Variants in FNDC3A observed in about 807,000 individuals in gnomAD.
FNDC3A encodes fibronectin type III domain containing 3A, also known as fibronectin type-III domain-containing protein 3A.
FNDC3A carries 32 observed loss-of-function variants against 148.9 expected under a neutral mutation model. That is an observed-to-expected ratio of 0.21 (90% CI 0.16 to 0.29). The LOEUF is 0.29. FNDC3A is among the 10% of genes least tolerant of loss of function. FNDC3A has a pLI of 1.00. For synonymous variants in FNDC3A, 472 were observed against 473.6 expected (o/e 1.00, Z 0.04); for missense variants, 1,191 against 1,452.8 (o/e 0.82, Z 2.93).
intron 2 of FNDC3A, among the ~76,000 whole-genome samples, chr13:49,027,065 A>G (rs1873768304): frequency 6.6e-6 from 1 of 152,196 alleles, no homozygotes; most frequent in Non-Finnish European, 1.5e-5. Flanking sequence ...TGGAAATTCA[A>G]AACTGAAAGA....
intron 3 of FNDC3A, among the ~76,000 whole-genome samples, chr13:49,085,722 A>G (rs1287415083): frequency 6.6e-6 from 1 of 152,200 alleles, no homozygotes; most frequent in African/African-American, 2.4e-5. Flanking sequence ...ATGGTGTGTT[A>G]TTAAAGGCAC....
intron 11 of FNDC3A, 46 bp from the exon 12 acceptor site, chr13:49,174,389 T>C: frequency 6.6e-7 from 1 of 1,510,512 alleles, no homozygotes; most frequent in Non-Finnish European, 9.1e-7. Flanking sequence ...AATTTATCTT[T>C]TTACAGTAAT....
intron 13 of FNDC3A, among the ~76,000 whole-genome samples, chr13:49,177,113 T>G (rs942958362): frequency 1.3e-5 from 2 of 152,232 alleles, no homozygotes; most frequent in Admixed American, 1.3e-4. Flanking sequence ...ACTCTGTCTT[T>G]TCTTTTGATG....
chr13:48,994,774 C>T (rs1251962155), intron 1 of FNDC3A, among the ~76,000 whole-genome samples: 2 of 147,570 alleles, frequency 1.4e-5, no homozygotes, highest in Non-Finnish European at 3.0e-5. Flanking sequence ...AAGACTCCAT[C>T]TCAAAAAAAA....
At chr13:49,068,016 C>T (rs910171054) in intron 2 of FNDC3A, among the ~76,000 whole-genome samples, 4 of 151,984 alleles carry the variant, frequency 2.6e-5, no homozygotes, top group African/African-American at 9.7e-5. Flanking sequence ...AAAGGAACAT[C>T]CTTCAGTCTA....
chr13:49,159,590 C>T (rs1883957402), intron 8 of FNDC3A, among the ~76,000 whole-genome samples: 1 of 152,290 alleles, frequency 6.6e-6, no homozygotes, highest in Middle Eastern at 3.4e-3. Context: ...TTCCTGTTTT[C>T]CTAACTGAAT....
chr13:49,124,015 A>G (rs924109668), intron 4 of FNDC3A, among the ~76,000 whole-genome samples: 1 of 152,210 alleles, frequency 6.6e-6, no homozygotes, highest in African/African-American at 2.4e-5. Context: ...AAAGGATTAT[A>G]AATCATTGTA....
chr13:49,063,817 T>C (rs1160290790), intron 2 of FNDC3A, among the ~76,000 whole-genome samples: 1 of 152,162 alleles, frequency 6.6e-6, no homozygotes, highest in Non-Finnish European at 1.5e-5. Context: ...CTCAGTAATA[T>C]AAAATGAAAC....
At chr13:49,116,492 G>A (rs1185041130) in intron 4 of FNDC3A, among the ~76,000 whole-genome samples, 2 of 152,190 alleles carry the variant, frequency 1.3e-5, no homozygotes, top group Non-Finnish European at 2.9e-5. Flanking sequence ...CAAATAAAAA[G>A]TGGATAAACT....
chr13:49,187,010 G>T, intron 15 of FNDC3A, 112 bp from the exon 16 acceptor site: 1 of 644,026 alleles, frequency 1.6e-6, no homozygotes, highest in Non-Finnish European at 2.7e-6. Flanking sequence ...TTAAGTCATT[G>T]CAGGTGATTT....
intron 3 of FNDC3A, among the ~76,000 whole-genome samples, chr13:49,102,734 A>G (rs1308790890): frequency 6.6e-6 from 1 of 152,206 alleles, no homozygotes; most frequent in Non-Finnish European, 1.5e-5. Context: ...CAGAGGATGC[A>G]TTGAGGAGAT....
Position 49,136,524 on chromosome 13 carries a change from G to A in FNDC3A, c.683G>A (p.Gly228Asp), listed in dbSNP as rs1882372103. Residue 228 changes from glycine (G) to aspartate (D), a missense_variant, in exon 6 of 26, where the codon GGT (glycine) becomes GAT (aspartate). Transcript: ENST00000492622. ...GGACTTATAAAAGGACAAATTGCTG[G>A]TGGTATAAACACAGGATCAGCAAAA... ...HNGLIKGQIA[G>D]GINTGSAKIK... is the part of the protein sequence containing the mutation. 2 of 1,613,946 alleles carry A rather than the reference G, an allele frequency of 1.2e-6. No homozygotes were observed. The highest frequency in any genetic ancestry group is 1.3e-5 in the African/African-American group (1 of 74,896).
At chr13:48,995,115 A>G (rs1457295058) in intron 1 of FNDC3A, among the ~76,000 whole-genome samples, 3 of 152,172 alleles carry the variant, frequency 2.0e-5, no homozygotes, top group East Asian at 1.9e-4. Flanking sequence ...TAAGGTCTCT[A>G]TGTTGCCCAG....
At chr13:49,182,670 T>C (rs1885367970) in intron 14 of FNDC3A, among the ~76,000 whole-genome samples, 1 of 152,188 alleles carries the variant, frequency 6.6e-6, no homozygotes, top group African/African-American at 2.4e-5. Flanking sequence ...GGTCTTTTTA[T>C]AGGTAAAGAG....
intron 1 of FNDC3A, among the ~76,000 whole-genome samples, chr13:48,977,754 C>T (rs1951628804): frequency 6.6e-6 from 1 of 152,126 alleles, no homozygotes. Context: ...GGGATGATGA[C>T]AGGAGAAACA....
intron 2 of FNDC3A, among the ~76,000 whole-genome samples, chr13:49,018,361 A>G (rs1394479123): frequency 6.6e-6 from 1 of 151,930 alleles, no homozygotes; most frequent in African/African-American, 2.4e-5. Context: ...TTCATCTTCC[A>G]TCGCTGATAC....
At chr13:49,158,065 G>T (rs564205809) in intron 8 of FNDC3A, among the ~76,000 whole-genome samples, 2 of 152,238 alleles carry the variant, frequency 1.3e-5, no homozygotes, top group African/African-American at 4.8e-5. Context: ...CGAGCTTCCC[G>T]GCTGCTTTGT....
intron 2 of FNDC3A, among the ~76,000 whole-genome samples, chr13:49,048,075 T>C (rs766403323): frequency 6.6e-6 from 1 of 152,186 alleles, no homozygotes; most frequent in African/African-American, 2.4e-5. Flanking sequence ...CTTTACATTT[T>C]TGTTTGCTTT....
chr13:49,129,878 C>T (rs1424928616), intron 4 of FNDC3A, among the ~76,000 whole-genome samples: 1 of 152,040 alleles, frequency 6.6e-6, no homozygotes, highest in East Asian at 1.9e-4. Context: ...TCTAGTATAC[C>T]TATACCTACC....
Sources: allele counts gnomAD v4.1 joint callset (sites outside exome capture counted in the v4.1 genomes callset), GRCh38; gene constraint gnomAD v4.1.1; transcripts MANE v1.5; gene names NCBI Gene and HGNC (gene_info 2026-07-23, HGNC 2026-07-21).